PSME3IP1: variants seen among roughly 807,000 people sequenced by gnomAD.
The protein encoded by PSME3IP1 is proteasome activator subunit 3 interacting protein 1, also known as PSME3-interacting protein.
In PSME3IP1, 13 loss-of-function variants were observed where a neutral mutation model predicts 34.1. That is an observed-to-expected ratio of 0.38 (90% CI 0.25 to 0.61). PSME3IP1 has a LOEUF of 0.61. Among genes scored for constraint, PSME3IP1 ranks in the 20% least tolerant of loss-of-function variants. The probability of loss-of-function intolerance (pLI) is 0.60; values close to 1 mark genes in which losing one functional copy is unlikely to be tolerated. For synonymous variants in PSME3IP1, 93 were observed against 114.3 expected (o/e 0.81, Z 1.19); for missense variants, 237 against 301.4 (o/e 0.79, Z 1.58).
rs1233099660 is a variant in PSME3IP1, at chr16:57,174,746, G to A, written c.-15-877C>T. 6.4e-6 allele frequency: 6 copies of A among 942,804 alleles called. No homozygotes were observed. In the African/African-American group the frequency reaches 1.1e-4, roughly 17 times the overall value. The allele number at this position is 942,804 out of a possible 1,614,324, so 58.4% of individuals were successfully genotyped here. ...TGGAGAAAGTGAGACTGGAAGAACAGATCTCCCAACTTCAGTTCCACGTAC... is the reference window on the plus strand; with the variant it reads ...TGGAGAAAGTGAGACTGGAAGAACAAATCTCCCAACTTCAGTTCCACGTAC... On this transcript the variant is annotated intron_variant, in intron 1 of 6. Coordinates refer to ENST00000309137, the MANE Select transcript of PSME3IP1 (RefSeq NM_024946.4).
upstream of PSME3IP1, chr16:57,186,054 C>T: frequency 2.0e-6 from 2 of 985,520 alleles, no homozygotes; most frequent in Non-Finnish European, 2.4e-6. Flanking sequence ...TCCCGCCCCA[C>T]TTCCGGCGAC....
In PSME3IP1 at chr16:57,159,115, G is replaced by C. The variant is rs144489671; in HGVS notation, c.548-4608C>G. On this transcript the variant is annotated intron_variant, in intron 6 of 6. Transcript: ENST00000309137. ...GAAGGATGAAAGTCAGAGTGCCTGTGGGGGTAGAGAACTGGCCTAACGGAA... is the reference window on the plus strand; with the variant it reads ...GAAGGATGAAAGTCAGAGTGCCTGTCGGGGTAGAGAACTGGCCTAACGGAA... Among the ~76,000 whole-genome samples, 494 of 152,292 alleles carry C rather than the reference G, an allele frequency of 3.2e-3. 2 individuals are homozygous for C. The highest frequency in any genetic ancestry group is 0.01 in the African/African-American group (426 of 41,574).
intron 1 of PSME3IP1, among the ~76,000 whole-genome samples, chr16:57,183,039 C>A (rs578014921): frequency 1.3e-5 from 2 of 152,178 alleles, no homozygotes; most frequent in African/African-American, 4.8e-5. Context: ...TGGCACACAG[C>A]AATTTAAGGA....
Position 57,185,922 on chromosome 16 carries a change from GAAGA to G in PSME3IP1, c.-121_-118del, listed in dbSNP as rs1225132510. The G allele has an allele frequency of 1.2e-5, 12 of 982,732 alleles. No homozygotes were observed. The highest frequency in any genetic ancestry group is 8.9e-5 in the African/African-American group (5 of 56,320). The allele number at this position is 982,732 out of a possible 1,614,324, so 60.9% of individuals were successfully genotyped here. ...CTTAAAAAAGAAAAAAAAATGAAAG[GAAGA>G]AAGAAAGAAACAGAGGAAGGAATGA... On this transcript the variant is annotated 5_prime_UTR_variant, in exon 1 of 7. Coordinates refer to ENST00000309137, the MANE Select transcript of PSME3IP1 (RefSeq NM_024946.4).
chr16:57,165,521 C>A (rs1460481042), intron 5 of PSME3IP1, among the ~76,000 whole-genome samples: 2 of 152,176 alleles, frequency 1.3e-5, no homozygotes, highest in African/African-American at 4.8e-5. Flanking sequence ...TTGTTTTGGT[C>A]TTATGCTTCA....
chr16:57,175,737 A>G (rs1250644124), intron 1 of PSME3IP1: 4 of 152,196 alleles, frequency 2.6e-5, no homozygotes, highest in African/African-American at 9.7e-5. Flanking sequence ...CAACTTTACC[A>G]TACTCCTCCC....
chr16:57,182,874 C>T (rs2073859824), intron 1 of PSME3IP1, among the ~76,000 whole-genome samples: 1 of 152,154 alleles, frequency 6.6e-6, no homozygotes, highest in Admixed American at 6.5e-5. Flanking sequence ...CGCGCCACTG[C>T]ACTCCAGCCT....
intron 6 of PSME3IP1, among the ~76,000 whole-genome samples, chr16:57,157,451 G>T (rs1194051554): frequency 1.3e-5 from 2 of 152,142 alleles, no homozygotes; most frequent in African/African-American, 4.8e-5. Flanking sequence ...ACAATCTGGG[G>T]CAAAGTGGCC....
At chr16:57,170,951 T>C (rs571947360) in intron 4 of PSME3IP1, among the ~76,000 whole-genome samples, 6 of 152,240 alleles carry the variant, frequency 3.9e-5, no homozygotes, top group Admixed American at 3.9e-4. Context: ...CATGCACCTG[T>C]AACCCCAGCT....
chr16:57,155,767 C>T (rs770945073), intron 6 of PSME3IP1, among the ~76,000 whole-genome samples: 6 of 152,092 alleles, frequency 3.9e-5, no homozygotes, highest in African/African-American at 9.7e-5. Flanking sequence ...GATCGCGCTA[C>T]TGCACTCCAG....
intron 3 of PSME3IP1, 123 bp from the exon 4 acceptor site, chr16:57,172,495 A>T: frequency 9.2e-7 from 1 of 1,086,560 alleles, no homozygotes; most frequent in Non-Finnish European, 1.3e-6. Flanking sequence ...ACTGGTAAAT[A>T]CCATGGCGTT....
intron 5 of PSME3IP1, among the ~76,000 whole-genome samples, chr16:57,165,033 AAAAAAG>A (rs1206790138): frequency 2.0e-5 from 3 of 151,778 alleles, no homozygotes; most frequent in East Asian, 1.9e-4. Context: ...CTCAAAAAAA[AAAAAAG>A]AAAAAGAAAA....
intron 1 of PSME3IP1, chr16:57,181,413 T>TTGCTATTC (rs1381196393): frequency 6.6e-6 from 1 of 152,130 alleles, no homozygotes; most frequent in East Asian, 1.9e-4. Context: ...CAAAGCATTT[T>TTGCTATTC]TGCTATTCTC....
chr16:57,183,356 A>C (rs1395550159), intron 1 of PSME3IP1, among the ~76,000 whole-genome samples: 7 of 152,172 alleles, frequency 4.6e-5, no homozygotes, highest in African/African-American at 1.7e-4. Context: ...TTTTTGAGAT[A>C]GGGTCTCGCT....
At chr16:57,181,419 TTC>T (rs1481465557) in intron 1 of PSME3IP1, 1 of 152,120 alleles carries the variant, frequency 6.6e-6, no homozygotes, top group African/African-American at 2.4e-5. Context: ...ATTTTTGCTA[TTC>T]TCTCACTCAA....
At chr16:57,170,476 C>T (rs116735523) in intron 4 of PSME3IP1, among the ~76,000 whole-genome samples, 1,758 of 152,322 alleles carry the variant, frequency 0.012, 31 homozygotes, top group African/African-American at 0.04. Flanking sequence ...CCATCTTAGA[C>T]GTGAAGCCTG....
Position 57,172,906 on chromosome 16 carries a change from A to T in PSME3IP1, c.128-32T>A. On this transcript the variant is annotated intron_variant, in intron 2 of 6. Transcript: ENST00000309137. ...GGAAAAGGAGAGGGGAGAGAGGTGG[A>T]CGGGGAGGAGATATACACTTCAGAT... The T allele has an allele frequency of 3.0e-6, 4 of 1,336,654 alleles. No homozygotes were observed. In the African/African-American group the frequency reaches 5.8e-5, roughly 19 times the overall value. 82.8% of individuals were successfully genotyped at this position (1,336,654 alleles called of 1,614,324 possible).
chr16:57,181,045 G>A (rs1409011311), intron 1 of PSME3IP1, among the ~76,000 whole-genome samples: 2 of 151,288 alleles, frequency 1.3e-5, no homozygotes, highest in Admixed American at 6.5e-5. Flanking sequence ...CTTGCCTGGC[G>A]AGGGGGAAAA....
intron 1 of PSME3IP1, among the ~76,000 whole-genome samples, chr16:57,185,367 T>C (rs927915477): frequency 6.6e-6 from 1 of 152,170 alleles, no homozygotes; most frequent in Admixed American, 6.5e-5. Context: ...TAATAGAAAA[T>C]TCGCTTGGCA....
Sources: gnomAD v4.1 joint callset for allele counts (sites outside exome capture counted in the v4.1 genomes callset) on GRCh38, gnomAD v4.1.1 for gene constraint, MANE v1.5 for transcripts, NCBI Gene and HGNC (gene_info 2026-07-23, HGNC 2026-07-21) for gene names.